Variants in DMD observed in about 807,000 individuals in gnomAD.
The protein encoded by DMD is mutant dystrophin.
In DMD, 63 loss-of-function variants were observed where a neutral mutation model predicts 330.1. That is an observed-to-expected ratio of 0.19 (90% confidence interval 0.16 to 0.24). DMD has a LOEUF of 0.24. DMD is among the 10% of genes least tolerant of loss of function. The probability of loss-of-function intolerance (pLI) is 1.00; values close to 1 mark genes in which losing one functional copy is unlikely to be tolerated. For missense variants in DMD, 3,344 were observed against 2,684.1 expected (o/e 1.25, Z -5.43); for synonymous variants, 1,223 against 959.8 (o/e 1.27, Z -5.07).
chrX:31,266,159 C>CA (rs1174153877), intron 62 of DMD, among the ~76,000 whole-genome samples: 2,339 of 12,900 alleles, frequency 0.18, 260 homozygotes, highest in Non-Finnish European at 0.24. Context: ...TCCCGAAGGG[C>CA]AAAAAAAAAA....
intron 1 of DMD, among the ~76,000 whole-genome samples, chrX:33,270,099 C>T (rs779002634): frequency 3.1e-4 from 34 of 110,382 alleles, no homozygotes; most frequent in African/African-American, 1.0e-3. Context: ...AGTGAGATAA[C>T]GCTTATGTTT....
At chrX:31,775,843 G>C (rs1029558528) in intron 50 of DMD, among the ~76,000 whole-genome samples, 1 of 108,278 alleles carries the variant, frequency 9.2e-6, no homozygotes, top group Non-Finnish European at 1.9e-5. Flanking sequence ...GGGACACCAA[G>C]AGTTTTCTAT....
intron 2 of DMD, among the ~76,000 whole-genome samples, chrX:32,980,413 G>C (rs1011771475): frequency 2.3e-4 from 24 of 105,789 alleles, no homozygotes; most frequent in Admixed American, 1.1e-3. Flanking sequence ...TGGAGTACAG[G>C]GTATTAGGAA....
At chrX:32,762,972 C>T (rs944849905) in intron 7 of DMD, among the ~76,000 whole-genome samples, 6 of 111,595 alleles carry the variant, frequency 5.4e-5, no homozygotes, top group African/African-American at 2.0e-4. Context: ...ATAAAAGCAG[C>T]TTTTATTTTT....
At chrX:32,920,572 G>A (rs948229333) in intron 2 of DMD, among the ~76,000 whole-genome samples, 1 of 111,359 alleles carries the variant, frequency 9.0e-6, no homozygotes, top group African/African-American at 3.3e-5. Context: ...AAACTCAATT[G>A]AATTAAATTC....
At chrX:33,083,204 C>G (rs2094956812) in intron 1 of DMD, among the ~76,000 whole-genome samples, 1 of 111,850 alleles carries the variant, frequency 8.9e-6, no homozygotes, top group African/African-American at 3.3e-5. Context: ...GGGGTTTAAG[C>G]CACTTTACAA....
chrX:32,867,666 T>C (rs2082620986), intron 2 of DMD, among the ~76,000 whole-genome samples: 1 of 111,886 alleles, frequency 8.9e-6, no homozygotes. Context: ...AGGTAGCAAC[T>C]TTCCAAAAAT....
intron 44 of DMD, among the ~76,000 whole-genome samples, chrX:32,173,105 G>C (rs1191539294): frequency 1.9e-5 from 2 of 104,468 alleles, no homozygotes; most frequent in Non-Finnish European, 4.0e-5. Context: ...GTGTGTGTGT[G>C]TATGTGTGTA....
chrX:32,719,236 G>A (rs890494631), intron 7 of DMD, among the ~76,000 whole-genome samples: 2 of 111,868 alleles, frequency 1.8e-5, no homozygotes, highest in Non-Finnish European at 3.8e-5. Flanking sequence ...ATTAATATAA[G>A]ATAGACTGGT....
intron 1 of DMD, among the ~76,000 whole-genome samples, chrX:33,233,353 C>A (rs1331746548): frequency 1.8e-5 from 2 of 111,827 alleles, no homozygotes; most frequent in Admixed American, 9.5e-5. Context: ...GGGTTCACAG[C>A]AATTTTATTA....
intron 2 of DMD, among the ~76,000 whole-genome samples, chrX:32,947,018 T>C (rs1355180639): frequency 8.9e-6 from 1 of 112,407 alleles, no homozygotes; most frequent in African/African-American, 3.2e-5. Context: ...TTAAGGCTTA[T>C]GTATTTCGTA....
intron 1 of DMD, among the ~76,000 whole-genome samples, chrX:33,162,746 GT>G (rs2048830827): frequency 9.2e-6 from 1 of 109,053 alleles, no homozygotes; most frequent in African/African-American, 3.4e-5. Context: ...TCTGATCTCT[GT>G]TTTTATGCTG....
chrX:32,914,239 GAC>G (rs1436648458), intron 2 of DMD, among the ~76,000 whole-genome samples: 1 of 111,780 alleles, frequency 8.9e-6, no homozygotes, highest in Non-Finnish European at 1.9e-5. Context: ...TCAGGTTAGA[GAC>G]ACAGAGAAAT....
chrX:33,168,758 T>G (rs2049185547), intron 1 of DMD, among the ~76,000 whole-genome samples: 1 of 110,143 alleles, frequency 9.1e-6, no homozygotes, highest in African/African-American at 3.3e-5. Flanking sequence ...TCTACCTGGA[T>G]TATTGATGGG....
intron 2 of DMD, among the ~76,000 whole-genome samples, chrX:32,899,380 G>A (rs1049419638): frequency 1.8e-4 from 20 of 111,223 alleles, no homozygotes; most frequent in African/African-American, 5.6e-4. Flanking sequence ...GAAAGTGTTT[G>A]TACTTAATTC....
chrX:31,846,928 C>G (rs1046080281), intron 48 of DMD, among the ~76,000 whole-genome samples: 1 of 111,709 alleles, frequency 9.0e-6, no homozygotes, highest in African/African-American at 3.2e-5. Context: ...GAAATGGCAA[C>G]AAGGCTGGCA....
chrX:31,353,729 T>C lies in DMD; in HGVS notation c.9085-5095A>G, dbSNP rs1171312923. ...GAAACATTTAACTGGAGATGTCATG[T>C]ATAGCCAGTTAGAGATGAACAATTT... On this transcript the variant is annotated intron_variant, in intron 60 of 78. Transcript: ENST00000357033. 2.7e-5 allele frequency among the ~76,000 whole-genome samples: 3 copies of C among 111,703 alleles called. No individual in the cohort carries two copies. The East Asian group carries it at 8.4e-4, about 31-fold the overall frequency.
chrX:31,996,405 G>A (rs939912259), intron 44 of DMD, among the ~76,000 whole-genome samples: 1 of 111,403 alleles, frequency 9.0e-6, no homozygotes, highest in African/African-American at 3.3e-5. Flanking sequence ...ATTCCAAACT[G>A]CGAGGGACAG....
rs1390654882 is a variant in DMD at position 31,559,497 on chromosome X, T to C, written c.8218-52044A>G. 4.5e-5 allele frequency among the ~76,000 whole-genome samples: 4 copies of C among 89,263 alleles called. 1 individual carries two copies. Among genetic ancestry groups the C allele is most frequent in the Non-Finnish European group, 8.5e-5 (4 of 47,299 alleles). 77.5% of individuals were successfully genotyped at this position (89,263 alleles called of 115,157 possible). A position where few individuals can be genotyped will look rare whatever the true frequency, so the allele number is the denominator to read the frequency against. On this transcript the variant is annotated intron_variant, in intron 55 of 78. Transcript: ENST00000357033. ...CTCTACTAAAAATACAAAAATTAGC[T>C]GGGCATGGTGGCGCGCGCCTGTAGT... is the stretch of plus-strand genomic sequence containing the variant.
Sources: gnomAD v4.1 joint callset for allele counts (sites outside exome capture counted in the v4.1 genomes callset) on GRCh38, gnomAD v4.1.1 for gene constraint, MANE v1.5 for transcripts, NCBI Gene and HGNC (gene_info 2026-07-23, HGNC 2026-07-21) for gene names.